The following DGKB variants were observed in gnomAD, a reference collection of about 807,000 sequenced individuals.
DGKB encodes diacylglycerol kinase beta, also known as 90 kDa diacylglycerol kinase.
A neutral mutation model predicts 114.3 loss-of-function variants in DGKB; 67 were observed. The ratio of observed to expected loss-of-function variants is 0.59; its 90% confidence interval spans 0.48 to 0.72. DGKB has a LOEUF of 0.72. Among genes scored for constraint, DGKB ranks in the 30% least tolerant of loss-of-function variants. DGKB has a pLI of 0.00. For missense variants in DGKB, 907 were observed against 975.2 expected (o/e 0.93, Z 0.93); for synonymous variants, 398 against 323.1 (o/e 1.23, Z -2.49).
chr7:14,563,927 A>G lies in DGKB; in HGVS notation c.1770+10285T>C, dbSNP rs560787066. Among the ~76,000 whole-genome samples, 9 of 152,276 alleles carry G rather than the reference A, an allele frequency of 5.9e-5. No homozygotes were observed. In the South Asian group the frequency reaches 1.9e-3, roughly 32 times the overall value. ...ACTCTGTGCTCAGCCAGGGGAATGA[A>G]AAAGCTATGGTTTCTGCTAGCACAA... On this transcript the variant is annotated intron_variant, in intron 20 of 25. Coordinates refer to ENST00000402815, the MANE Select transcript of DGKB (RefSeq NM_001350709.2).
intron 20 of DGKB, among the ~76,000 whole-genome samples, chr7:14,567,152 A>G (rs1221749872): frequency 9.6e-6 from 1 of 104,276 alleles, no homozygotes; most frequent in Admixed American, 1.7e-4. Context: ...TATATATAAT[A>G]TACAATTATA....
chr7:14,277,337 A>AT (rs138811528), intron 23 of DGKB, among the ~76,000 whole-genome samples: 31,693 of 150,910 alleles, frequency 0.21, 3,953 homozygotes, highest in Non-Finnish European at 0.28. Flanking sequence ...TGCCCAGGTA[A>AT]TTTTTTTTTC....
At chr7:14,841,533 A>G in intron 1 of DGKB, 83 bp from the exon 2 acceptor site, 1 of 323,120 alleles carries the variant, frequency 3.1e-6, no homozygotes, top group Non-Finnish European at 5.6e-6. Flanking sequence ...TGAATGTTAA[A>G]TACTTTTTAA....
At chr7:14,920,816 T>G (rs1233953902) in intron 1 of DGKB, among the ~76,000 whole-genome samples, 1 of 152,172 alleles carries the variant, frequency 6.6e-6, no homozygotes, top group Non-Finnish European at 1.5e-5. Context: ...TATTTGGTGA[T>G]AAAGGGAAAT....
chr7:14,646,523 A>T (rs903719905), intron 13 of DGKB, among the ~76,000 whole-genome samples: 3 of 152,186 alleles, frequency 2.0e-5, no homozygotes, highest in African/African-American at 7.2e-5. Flanking sequence ...ATTTCATCCA[A>T]TAGCTGCAGA....
intron 6 of DGKB, among the ~76,000 whole-genome samples, chr7:14,710,097 C>G (rs1469414782): frequency 6.6e-6 from 1 of 151,844 alleles, no homozygotes; most frequent in African/African-American, 2.4e-5. Flanking sequence ...TGTACTGAAC[C>G]TATAGATCTG....
intron 21 of DGKB, among the ~76,000 whole-genome samples, chr7:14,413,801 G>GA (rs1385310274): frequency 6.6e-6 from 1 of 152,094 alleles, no homozygotes; most frequent in African/African-American, 2.4e-5. Context: ...CTTGAGCTGT[G>GA]AAAATAGAAA....
rs1784042802 is a variant in DGKB, at chr7:14,912,325, T to G, written c.-188+62371A>C. Among the ~76,000 whole-genome samples the G allele has an allele frequency of 2.6e-5, 4 of 152,314 alleles. No homozygotes were observed. The South Asian group carries it at 8.3e-4, about 32-fold the overall frequency. On this transcript the variant is annotated intron_variant, in intron 1 of 4. Coordinates refer to the DGKB transcript ENST00000437998. The stretch of plus-strand genomic sequence containing the variant: ...TTTTAGTTAGTCAACTACTTCATAT[T>G]TGTTGAATATTATAATTTTGCATCA...
At chr7:14,618,814 G>A (rs1483911207) in intron 15 of DGKB, among the ~76,000 whole-genome samples, 1 of 151,362 alleles carries the variant, frequency 6.6e-6, no homozygotes, top group Non-Finnish European at 1.5e-5. Context: ...TCTTCTTTAA[G>A]CAGTGTAGAT....
intron 2 of DGKB, among the ~76,000 whole-genome samples, chr7:14,777,208 A>G (rs893419771): frequency 2.0e-5 from 3 of 152,076 alleles, no homozygotes; most frequent in Non-Finnish European, 1.5e-5. Flanking sequence ...TTTTGATTTT[A>G]TAGGCTCATA....
rs12537806 is a variant in DGKB at position 14,493,929 on chromosome 7, C to A, written c.1771-15704G>T. ...ACCATGGCTATCATGGTATCATACACACACACACACACACACACACACACA... is the reference window on the plus strand; with the variant it reads ...ACCATGGCTATCATGGTATCATACAAACACACACACACACACACACACACA... On this transcript the variant is annotated intron_variant, in intron 20 of 25. Transcript: ENST00000402815. Among the ~76,000 whole-genome samples, 533 of 121,554 alleles carry A rather than the reference C, an allele frequency of 4.4e-3. 3 individuals carry two copies. The East Asian group carries it at 0.05, about 11-fold the overall frequency. 79.7% of individuals were successfully genotyped at this position (121,554 alleles called of 152,430 possible).
chr7:14,414,413 G>C (rs931152869), intron 21 of DGKB, among the ~76,000 whole-genome samples: 1 of 152,108 alleles, frequency 6.6e-6, no homozygotes, highest in Non-Finnish European at 1.5e-5. Context: ...AATTGTTTTG[G>C]AGATGGCATA....
chr7:14,633,399 C>T (rs778926181), intron 13 of DGKB, among the ~76,000 whole-genome samples: 4 of 151,826 alleles, frequency 2.6e-5, no homozygotes, highest in Admixed American at 2.0e-4. Flanking sequence ...TAGAAATTTA[C>T]TCCAAGAATA....
At chr7:14,264,408 AC>A (rs1387139407) in intron 23 of DGKB, among the ~76,000 whole-genome samples, 1 of 152,184 alleles carries the variant, frequency 6.6e-6, no homozygotes, top group Non-Finnish European at 1.5e-5. Context: ...CCTGATTGTG[AC>A]ACACATAGGC....
intron 2 of DGKB, among the ~76,000 whole-genome samples, chr7:14,795,348 G>T (rs898740163): frequency 1.3e-5 from 2 of 152,182 alleles, no homozygotes; most frequent in Admixed American, 6.5e-5. Context: ...TGGACCAAAA[G>T]GTAGTCCGGC....
At chr7:14,609,993 C>T (rs1478396523) in intron 16 of DGKB, among the ~76,000 whole-genome samples, 2 of 151,984 alleles carry the variant, frequency 1.3e-5, no homozygotes, top group Admixed American at 6.6e-5. Context: ...AACAGATCTA[C>T]CATTCAACCC....
At chr7:14,326,028 A>G (rs2128547564) in intron 23 of DGKB, among the ~76,000 whole-genome samples, 1 of 151,868 alleles carries the variant, frequency 6.6e-6, no homozygotes, top group South Asian at 2.1e-4. Flanking sequence ...TATATAGGTT[A>G]TGAGACAGAC....
intron 21 of DGKB, among the ~76,000 whole-genome samples, chr7:14,364,477 T>C (rs554465772): frequency 6.6e-6 from 1 of 152,034 alleles, no homozygotes; most frequent in Admixed American, 6.6e-5. Context: ...AAAATCTGTA[T>C]TCTTTTTGTT....
intron 21 of DGKB, among the ~76,000 whole-genome samples, chr7:14,464,663 C>G (rs1367606995): frequency 2.0e-5 from 3 of 152,096 alleles, no homozygotes; most frequent in Non-Finnish European, 2.9e-5. Context: ...TCTCCGTGTA[C>G]TTGTTAGTAT....
Sources: allele counts gnomAD v4.1 joint callset (sites outside exome capture counted in the v4.1 genomes callset), GRCh38; gene constraint gnomAD v4.1.1; transcripts MANE v1.5; gene names NCBI Gene and HGNC (gene_info 2026-07-23, HGNC 2026-07-21).